Variants in PLCB4 observed in about 807,000 individuals in gnomAD.
The protein encoded by PLCB4 is phospholipase C beta 4.
In PLCB4, 77 loss-of-function variants were observed where a neutral mutation model predicts 178.8. That is an observed-to-expected ratio of 0.43 (90% CI 0.36 to 0.52). PLCB4 has a LOEUF of 0.52. PLCB4 is among the 20% of genes least tolerant of loss of function. PLCB4 has a pLI of 0.00. For missense variants in PLCB4, 1,024 were observed against 1,453.4 expected, an observed-to-expected ratio of 0.70 and a Z score of 4.80; for synonymous variants, 496 against 490.8, an observed-to-expected ratio of 1.01 and a Z score of -0.14.
intron 35 of PLCB4, among the ~76,000 whole-genome samples, chr20:9,462,951 A>G (rs1603010153): frequency 6.6e-6 from 1 of 152,202 alleles, no homozygotes; most frequent in African/African-American, 2.4e-5. Context: ...GAGCAACCCT[A>G]AGACACATAA....
At chr20:9,391,265 T>C (rs1313107408) in intron 17 of PLCB4, among the ~76,000 whole-genome samples, 2 of 152,218 alleles carry the variant, frequency 1.3e-5, no homozygotes, top group Non-Finnish European at 2.9e-5. Context: ...TTCATTCTAA[T>C]TGCATGCAAT....
chr20:9,148,375 G>A (rs2092635034), intron 2 of PLCB4, among the ~76,000 whole-genome samples: 1 of 152,124 alleles, frequency 6.6e-6, no homozygotes, highest in Non-Finnish European at 1.5e-5. Context: ...AATGATTTTT[G>A]AAATAGGAAG....
intron 30 of PLCB4, among the ~76,000 whole-genome samples, chr20:9,442,079 A>T (rs2042142335): frequency 6.6e-6 from 1 of 152,212 alleles, no homozygotes; most frequent in Non-Finnish European, 1.5e-5. Flanking sequence ...TGTGCTGCCT[A>T]ACCTACTTTC....
chr20:9,225,629 A>G (rs2093854742), intron 3 of PLCB4, among the ~76,000 whole-genome samples: 1 of 152,182 alleles, frequency 6.6e-6, no homozygotes, highest in South Asian at 2.1e-4. Context: ...ACTTATTCCA[A>G]AGATAGGATT....
intron 2 of PLCB4, among the ~76,000 whole-genome samples, chr20:9,145,234 T>C (rs2092575796): frequency 6.6e-6 from 1 of 152,126 alleles, no homozygotes; most frequent in Non-Finnish European, 1.5e-5. Flanking sequence ...GCACCTTTGT[T>C]TCCTGTGTCA....
At chr20:9,203,055 AAAT>A (rs1339057602) in intron 2 of PLCB4, among the ~76,000 whole-genome samples, 108 of 131,964 alleles carry the variant, frequency 8.2e-4, no homozygotes, top group African/African-American at 3.3e-3. Context: ...AAAAAAAAAA[AAAT>A]ATATATATAT....
chr20:9,106,538 T>C (rs967235349), intron 2 of PLCB4, among the ~76,000 whole-genome samples: 11 of 148,864 alleles, frequency 7.4e-5, no homozygotes, highest in African/African-American at 1.0e-4. Context: ...ATGACACACA[T>C]GCACACACAC....
intron 7 of PLCB4, among the ~76,000 whole-genome samples, chr20:9,352,863 C>CA (rs2034468758): frequency 6.6e-6 from 1 of 152,188 alleles, no homozygotes; most frequent in Non-Finnish European, 1.5e-5. Flanking sequence ...GCCTCCCATG[C>CA]TAATAGATGG....
At chr20:9,477,954 A>G (rs2044661536) in intron 39 of PLCB4, among the ~76,000 whole-genome samples, 1 of 152,100 alleles carries the variant, frequency 6.6e-6, no homozygotes, top group African/African-American at 2.4e-5. Flanking sequence ...GCACTTCAGA[A>G]TCTTCATCCG....
chr20:9,400,644 G>T (rs556837438), intron 19 of PLCB4, among the ~76,000 whole-genome samples: 2 of 152,258 alleles, frequency 1.3e-5, no homozygotes, highest in Admixed American at 1.3e-4. Flanking sequence ...GGTTTCTCCT[G>T]ATCCTGGCTA....
intron 2 of PLCB4, among the ~76,000 whole-genome samples, chr20:9,191,124 G>A (rs962229425): frequency 5.3e-5 from 8 of 152,084 alleles, no homozygotes; most frequent in African/African-American, 1.9e-4. Context: ...TTTATAGCAG[G>A]ATAGAACACA....
At chr20:9,253,705 G>A (rs939707390) in intron 3 of PLCB4, among the ~76,000 whole-genome samples, 8 of 152,152 alleles carry the variant, frequency 5.3e-5, no homozygotes, top group African/African-American at 1.9e-4. Flanking sequence ...CTGAATCTGT[G>A]AGGCCAAACT....
rs1255447107 is a variant in PLCB4, at chr20:9,453,349, A to G, written c.2883A>G (p.Glu961=). Residue 961 remains glutamate, a splice_region_variant and synonymous_variant, in exon 33 of 40, where the codon GAA becomes GAG. Transcript: ENST00000378473. ...AACTGCAAATCCTTCTTGTTCAGGA[A>G]CACAGTACCATGCAGAAGTTACACT... ...LNSLKKKHAK[E]HSTMQKLHCT... 28 of 1,592,466 alleles carry G rather than the reference A, an allele frequency of 1.8e-5. No individual in the cohort carries two copies. The highest frequency in any genetic ancestry group is 2.2e-5 in the Non-Finnish European group (26 of 1,160,942).
intron 35 of PLCB4, among the ~76,000 whole-genome samples, chr20:9,464,349 C>T (rs1660327411): frequency 6.6e-6 from 1 of 152,094 alleles, no homozygotes; most frequent in Non-Finnish European, 1.5e-5. Flanking sequence ...AATTGACACC[C>T]TAACGTCACA....
chr20:9,140,676 T>C (rs2092471086), intron 2 of PLCB4, among the ~76,000 whole-genome samples: 1 of 151,862 alleles, frequency 6.6e-6, no homozygotes, highest in African/African-American at 2.4e-5. Context: ...GAGCCTGGCA[T>C]CTCTCTTGCT....
At chr20:9,435,701 A>G in intron 29 of PLCB4, 53 bp downstream of exon 29, 6 of 1,023,582 alleles carry the variant, frequency 5.9e-6, no homozygotes, top group Non-Finnish European at 9.2e-6. Context: ...TTTGATTATC[A>G]AACAGTGTTT....
chr20:9,070,883 C>T (rs1015726141), intron 1 of PLCB4, among the ~76,000 whole-genome samples: 2 of 152,162 alleles, frequency 1.3e-5, no homozygotes, highest in Non-Finnish European at 2.9e-5. Flanking sequence ...TGCTGTTCTA[C>T]AAGTAACTGT....
chr20:9,385,354 G>A (rs189988253), intron 14 of PLCB4, among the ~76,000 whole-genome samples: 148 of 152,174 alleles, frequency 9.7e-4, no homozygotes, highest in African/African-American at 3.3e-3. Flanking sequence ...TCCCAGATGG[G>A]GCGGCCTGGC....
intron 17 of PLCB4, among the ~76,000 whole-genome samples, chr20:9,393,167 A>G (rs1255194568): frequency 6.6e-6 from 1 of 152,150 alleles, no homozygotes; most frequent in African/African-American, 2.4e-5. Flanking sequence ...CAGGCTTACT[A>G]TACAGCCTGA....
Sources: gnomAD v4.1 joint callset for allele counts (sites outside exome capture counted in the v4.1 genomes callset) on GRCh38, gnomAD v4.1.1 for gene constraint, MANE v1.5 for transcripts, NCBI Gene and HGNC (gene_info 2026-07-23, HGNC 2026-07-21) for gene names.